GGACT: variants seen among roughly 807,000 people sequenced by gnomAD.
The protein encoded by GGACT is gamma-glutamylaminecyclotransferase.
For missense variants in GGACT, 241 were observed against 233.2 expected (o/e 1.03, Z -0.22); for synonymous variants, 118 against 115.3 (o/e 1.02, Z -0.15).
chr13:100,565,793 TG>T (rs2088805618), intron 2 of GGACT, among the ~76,000 whole-genome samples: 2 of 152,150 alleles, frequency 1.3e-5, no homozygotes, highest in Non-Finnish European at 2.9e-5. Context: ...GACTCTCACA[TG>T]GCACCCACCA....
chr13:100,541,924 T>A (rs185671218), intron 2 of GGACT: 2 of 152,348 alleles, frequency 1.3e-5, no homozygotes, highest in Admixed American at 1.3e-4. Flanking sequence ...AAAGTTAGTT[T>A]GAGAACACTA....
At chr13:100,549,755 A>C (rs1204590596) in intron 2 of GGACT, among the ~76,000 whole-genome samples, 1 of 152,240 alleles carries the variant, frequency 6.6e-6, no homozygotes. Context: ...GGTGGCAGAT[A>C]AAAGAAAGGA....
Position 100,530,527 on chromosome 13 carries a change from A to AAGAG in GGACT, c.*1599_*1602dup. Reference sequence around the variant, plus strand: ...ACCAGCATTTCTTTGTGATCCTTTTAAGAGATTGATATAAATGTCAGTCAG... The same window carrying AAGAG: ...ACCAGCATTTCTTTGTGATCCTTTTAAGAGAGAGATTGATATAAATGTCAGTCAG... On this transcript the variant is annotated 3_prime_UTR_variant, in exon 3 of 3. Coordinates refer to ENST00000683975, the MANE Select transcript of GGACT (RefSeq NM_001195087.2). The AAGAG allele has an allele frequency of 2.7e-6, 1 of 374,020 alleles. No homozygotes were observed. The highest frequency in any genetic ancestry group is 2.4e-5 in the South Asian group (1 of 41,296). 23.2% of individuals were successfully genotyped at this position (374,020 alleles called of 1,614,324 possible). A position where few individuals can be genotyped will look rare whatever the true frequency, so the allele number is the denominator to read the frequency against.
chr13:100,575,869 C>T (rs549662339), intron 2 of GGACT, among the ~76,000 whole-genome samples: 17 of 152,300 alleles, frequency 1.1e-4, no homozygotes, highest in Admixed American at 3.3e-4. Flanking sequence ...AACTATTCAT[C>T]GACCGATCCA....
intron 2 of GGACT, among the ~76,000 whole-genome samples, chr13:100,573,089 T>C (rs1275618192): frequency 6.6e-6 from 1 of 152,184 alleles, no homozygotes; most frequent in Non-Finnish European, 1.5e-5. Context: ...TCTAAGACCA[T>C]ATAGGTAGCA....
intron 2 of GGACT, among the ~76,000 whole-genome samples, chr13:100,574,784 G>C (rs1269077403): frequency 6.6e-6 from 1 of 151,846 alleles, no homozygotes; most frequent in African/African-American, 2.4e-5. Context: ...GGTACCTCCT[G>C]TATCTAAAAT....
chr13:100,545,285 T>TC lies in GGACT; in HGVS notation c.-10-12685dup, dbSNP rs1423151053. 6.6e-6 allele frequency among the ~76,000 whole-genome samples: 1 copy of TC among 152,242 alleles called. No individual in the cohort carries two copies. The highest frequency in any genetic ancestry group is 1.5e-5 in the Non-Finnish European group (1 of 68,030). ...CTCCAAACCACATGGTGAGGCCGCTTCACTCCCAGCTTCTCCCCCCTTTTG... is the reference window on the plus strand; with the variant it reads ...CTCCAAACCACATGGTGAGGCCGCTTCCACTCCCAGCTTCTCCCCCCTTTTG... On this transcript the variant is annotated intron_variant, in intron 2 of 2. Coordinates refer to ENST00000683975, the MANE Select transcript of GGACT (RefSeq NM_001195087.2). The surrounding 1 kb of genome is among the most constrained non-coding windows in gnomAD (Gnocchi z 4.4).
chr13:100,556,059 T>C (rs2088705552), intron 2 of GGACT, among the ~76,000 whole-genome samples: 1 of 152,244 alleles, frequency 6.6e-6, no homozygotes, highest in Non-Finnish European at 1.5e-5. Context: ...AATCAAGTAC[T>C]TTCCCTTGAG....
intron 2 of GGACT, among the ~76,000 whole-genome samples, chr13:100,563,627 G>T (rs896178764): frequency 2.0e-5 from 3 of 152,164 alleles, no homozygotes; most frequent in African/African-American, 7.2e-5. Context: ...TCCAGCCTGA[G>T]CAACACAGTT....
intron 2 of GGACT, among the ~76,000 whole-genome samples, chr13:100,546,254 C>T (rs1311490231): frequency 4.7e-5 from 7 of 148,936 alleles, no homozygotes; most frequent in African/African-American, 1.5e-4. Flanking sequence ...CCCAGCTACT[C>T]GGGAGGCTGA....
chr13:100,545,048 G>T lies in GGACT; in HGVS notation c.-10-12447C>A, dbSNP rs1424904492. Reference sequence around the variant, plus strand: ...AGGCGGCAGCAGGAGGCAGAGCCAGGAACACATGCTGGGCAGGCGGCCAGC... The same window carrying T: ...AGGCGGCAGCAGGAGGCAGAGCCAGTAACACATGCTGGGCAGGCGGCCAGC... On this transcript the variant is annotated intron_variant, in intron 2 of 2. Coordinates refer to ENST00000683975, the MANE Select transcript of GGACT (RefSeq NM_001195087.2). This position sits in a 1 kb window ranked among gnomAD's most constrained non-coding sequence, Gnocchi z 4.4. Among the ~76,000 whole-genome samples, 1 of 152,244 alleles carries T rather than the reference G, an allele frequency of 6.6e-6. No homozygotes were observed. Among genetic ancestry groups the T allele is most frequent in the Non-Finnish European group, 1.5e-5 (1 of 68,054 alleles).
In GGACT at chr13:100,532,490, GC is replaced by G. The variant is rs2088423335; in HGVS notation, c.101del (p.Gly34AlafsTer10). 1 of 1,548,892 alleles carries G rather than the reference GC, an allele frequency of 6.5e-7. No individual in the cohort carries two copies. The highest frequency in any genetic ancestry group is 1.4e-5 in the African/African-American group (1 of 73,140). ...AHGSAAFRAR[G>X]RTLEPYPLVI... ...CCAACGGGTAGGGCTCCAGCGTGCG[GC>G]CGCGCGCCCGAAAGGCTGCGGAGCC... On this transcript the variant is annotated frameshift_variant, in exon 3 of 3. Coordinates refer to ENST00000683975, the MANE Select transcript of GGACT (RefSeq NM_001195087.2). LOFTEE classifies it low-confidence loss of function (END_TRUNC).
In GGACT at chr13:100,572,413, T is replaced by A. The variant is rs534373906; in HGVS notation, c.-11+11412A>T. Among the ~76,000 whole-genome samples, 15 of 151,732 alleles carry A rather than the reference T, an allele frequency of 9.9e-5. No homozygotes were observed. In the East Asian group the frequency reaches 2.9e-3, roughly 29 times the overall value. On this transcript the variant is annotated intron_variant, in intron 2 of 2. Transcript: ENST00000683975. ...GCTGGGGGACGGGGAAAATGGGGAG[T>A]TGTTTAATGGATATAGAATTTTAGT...
At chr13:100,535,127 G>A (rs760612161) in intron 2 of GGACT, among the ~76,000 whole-genome samples, 18 of 152,200 alleles carry the variant, frequency 1.2e-4, no homozygotes, top group Non-Finnish European at 2.2e-4. Context: ...CCAGCCAGCC[G>A]GGCAGGGCCG....
chr13:100,554,523 A>G (rs1213739581), intron 2 of GGACT, among the ~76,000 whole-genome samples: 1 of 152,196 alleles, frequency 6.6e-6, no homozygotes, highest in Non-Finnish European at 1.5e-5. Context: ...TTTTTGAGAC[A>G]CTTAGGAAAA....
chr13:100,550,817 AGTT>A lies in GGACT; in HGVS notation c.-10-18219_-10-18217del, dbSNP rs571032612. Among the ~76,000 whole-genome samples, 220 of 152,238 alleles carry A rather than the reference AGTT, an allele frequency of 1.4e-3. 1 individual carries two copies. Among genetic ancestry groups the A allele is most frequent in the African/African-American group, 4.9e-3 (203 of 41,528 alleles). On this transcript the variant is annotated intron_variant, in intron 2 of 2. Transcript: ENST00000683975. ...ACAGCCGCTTTGTTTTTCATTATGG[AGTT>A]GTTGTTTTTTCTCCCCAAATTTACA...
intron 2 of GGACT, chr13:100,538,522 A>C (rs1228686882): frequency 6.6e-6 from 1 of 152,218 alleles, no homozygotes; most frequent in Admixed American, 6.5e-5. Flanking sequence ...TTGAGTTGTG[A>C]AAAAGGTCTC....
At chr13:100,554,557 A>G (rs983501186) in intron 2 of GGACT, among the ~76,000 whole-genome samples, 1 of 152,222 alleles carries the variant, frequency 6.6e-6, no homozygotes, top group Non-Finnish European at 1.5e-5. Flanking sequence ...TCTAGGTAAT[A>G]AGAGTCTACC....
chr13:100,555,009 T>C (rs1430267273), intron 2 of GGACT, among the ~76,000 whole-genome samples: 1 of 152,182 alleles, frequency 6.6e-6, no homozygotes, highest in Non-Finnish European at 1.5e-5. Flanking sequence ...CAAGAAGAAG[T>C]AGATAACCTG....
Sources: gnomAD v4.1 joint callset for allele counts (sites outside exome capture counted in the v4.1 genomes callset) on GRCh38, gnomAD v4.1.1 for gene constraint, Gnocchi (gnomAD v3.1) non-coding constraint, MANE v1.5 for transcripts, NCBI Gene and HGNC (gene_info 2026-07-23, HGNC 2026-07-21) for gene names.